The following TMEM68 variants were observed in gnomAD, a reference collection of about 807,000 sequenced individuals.
TMEM68 encodes the protein DGAT1/2-independent enzyme synthesizing storage lipids.
A neutral mutation model predicts 36.9 loss-of-function variants in TMEM68; 25 were observed. That is an observed-to-expected ratio of 0.68 (90% CI 0.49 to 0.95). The LOEUF (loss-of-function observed/expected upper bound fraction) is 0.95. Among genes scored for constraint, TMEM68 ranks in the 40% least tolerant of loss-of-function variants. TMEM68 has a pLI of 0.00. For missense variants in TMEM68, 333 were observed against 392.0 expected, an observed-to-expected ratio of 0.85 and a Z score of 1.27; for synonymous variants, 131 against 124.4, an observed-to-expected ratio of 1.05 and a Z score of -0.35.
intron 4 of TMEM68, among the ~76,000 whole-genome samples, chr8:55,755,126 C>T (rs1038296433): frequency 2.0e-5 from 3 of 150,222 alleles, no homozygotes; most frequent in African/African-American, 7.3e-5. Context: ...TAGCAAGACC[C>T]CATATCTAAA....
At chr8:55,761,030 A>G (rs912491941) in intron 3 of TMEM68, 1 of 151,774 alleles carries the variant, frequency 6.6e-6, no homozygotes, top group Non-Finnish European at 1.5e-5. Context: ...ATAATAAACA[A>G]TTGAACTACT....
At chr8:55,762,434 G>T in intron 3 of TMEM68, 1 of 1,040,044 alleles carries the variant, frequency 9.6e-7, no homozygotes, top group Non-Finnish European at 1.3e-6. Context: ...TTTGTTTAAT[G>T]GAAACCAACG....
intron 1 of TMEM68, among the ~76,000 whole-genome samples, chr8:55,771,545 A>T (rs894950581): frequency 1.3e-5 from 2 of 152,132 alleles, no homozygotes; most frequent in African/African-American, 4.8e-5. Context: ...TGAGCCTGGG[A>T]GGTAGAGGTT....
chr8:55,760,131 C>T (rs1810737244), intron 3 of TMEM68, among the ~76,000 whole-genome samples: 1 of 152,242 alleles, frequency 6.6e-6, no homozygotes, highest in Admixed American at 6.5e-5. Context: ...GCTACCAAGG[C>T]CAACAAATTT....
intron 3 of TMEM68, chr8:55,761,672 G>C (rs1023431574): frequency 6.6e-6 from 1 of 152,148 alleles, no homozygotes; most frequent in South Asian, 2.1e-4. Context: ...TCTGGCATAG[G>C]TAGGTGCTCA....
At chr8:55,771,068 C>T (rs947386722) in intron 1 of TMEM68, among the ~76,000 whole-genome samples, 1 of 151,364 alleles carries the variant, frequency 6.6e-6, no homozygotes, top group African/African-American at 2.4e-5. Context: ...GGCAGAAAAT[C>T]GCTTGAACCC....
chr8:55,772,436 C>T (rs951418839), intron 1 of TMEM68, among the ~76,000 whole-genome samples: 4 of 152,342 alleles, frequency 2.6e-5, no homozygotes, highest in African/African-American at 7.2e-5. Flanking sequence ...TGCTTTTTAA[C>T]AGATCCAGCA....
At chr8:55,768,143 TA>T (rs75152350) in intron 1 of TMEM68, among the ~76,000 whole-genome samples, 18,742 of 138,946 alleles carry the variant, frequency 0.13, 1,241 homozygotes, top group Middle Eastern at 0.19. Context: ...GAGACAGCTT[TA>T]AAAAAAAAAA....
intron 1 of TMEM68, among the ~76,000 whole-genome samples, chr8:55,770,953 C>T (rs1335397410): frequency 1.3e-5 from 2 of 151,904 alleles, no homozygotes; most frequent in Non-Finnish European, 2.9e-5. Flanking sequence ...GTCGGGAGTT[C>T]GAGACCAGCC....
intron 1 of TMEM68, among the ~76,000 whole-genome samples, chr8:55,771,947 A>T (rs1010027986): frequency 2.0e-5 from 3 of 152,172 alleles, no homozygotes; most frequent in African/African-American, 7.2e-5. Context: ...CGAGGTTCTG[A>T]TACAAATTAC....
intron 4 of TMEM68, among the ~76,000 whole-genome samples, chr8:55,755,576 C>T (rs920392771): frequency 1.6e-5 from 2 of 122,850 alleles, no homozygotes; most frequent in Non-Finnish European, 3.4e-5. Context: ...CCAGCCAAGA[C>T]AAAATATATC....
chr8:55,772,808 G>A (rs1025905534), intron 1 of TMEM68, among the ~76,000 whole-genome samples: 1 of 152,148 alleles, frequency 6.6e-6, no homozygotes, highest in East Asian at 1.9e-4. Flanking sequence ...TACCCACGCG[G>A]CTTTCCCCCT....
intron 1 of TMEM68, among the ~76,000 whole-genome samples, chr8:55,765,440 A>G (rs528724339): frequency 5.3e-5 from 8 of 152,346 alleles, no homozygotes; most frequent in African/African-American, 1.7e-4. Flanking sequence ...TCCGTTTGCT[A>G]AAACCTATAA....
rs895755618 is a variant in TMEM68 at position 55,759,293 on chromosome 8, G to A, written c.326-2882C>T. 3.3e-5 allele frequency among the ~76,000 whole-genome samples: 5 copies of A among 151,100 alleles called. 1 individual carries two copies. The highest frequency in any genetic ancestry group is 4.4e-5 in the Non-Finnish European group (3 of 67,886). On this transcript the variant is annotated intron_variant, in intron 3 of 7. Coordinates refer to ENST00000434581, the MANE Select transcript of TMEM68 (RefSeq NM_001286657.2). ...AAAAAAAATTAAGTAAATACAGTCCGGGCACAGTGGCTCGTGCCTATAATA... is the reference window on the plus strand; with the variant it reads ...AAAAAAAATTAAGTAAATACAGTCCAGGCACAGTGGCTCGTGCCTATAATA...
chr8:55,770,020 C>G (rs1304870851), intron 1 of TMEM68, among the ~76,000 whole-genome samples: 1 of 152,110 alleles, frequency 6.6e-6, no homozygotes, highest in Non-Finnish European at 1.5e-5. Flanking sequence ...GAATAAAATG[C>G]CTTTCAGTAG....
At chr8:55,769,126 A>C (rs965807969) in intron 1 of TMEM68, among the ~76,000 whole-genome samples, 1 of 150,912 alleles carries the variant, frequency 6.6e-6, no homozygotes, top group African/African-American at 2.4e-5. Flanking sequence ...GGAGTTTGAG[A>C]CCAGCCTGGC....
chr8:55,759,408 T>C (rs1244725375), intron 3 of TMEM68, among the ~76,000 whole-genome samples: 1 of 151,752 alleles, frequency 6.6e-6, no homozygotes, highest in Non-Finnish European at 1.5e-5. Context: ...CCATCTCTAC[T>C]AAAAATACAA....
At chr8:55,767,860 C>G (rs1811021777) in intron 1 of TMEM68, among the ~76,000 whole-genome samples, 1 of 152,092 alleles carries the variant, frequency 6.6e-6, no homozygotes, top group Admixed American at 6.6e-5. Context: ...TCGCTTGGAC[C>G]TGGGAGGCGG....
Position 55,754,813 on chromosome 8 carries a change from T to C in TMEM68, c.493+1431A>G, listed in dbSNP as rs1016484687. Among the ~76,000 whole-genome samples the C allele has an allele frequency of 1.3e-3, 178 of 132,286 alleles. 2 individuals carry two copies. The highest frequency in any genetic ancestry group is 4.5e-3 in the African/African-American group (158 of 35,404). 86.8% of individuals were successfully genotyped at this position (132,286 alleles called of 152,430 possible). ...AAAATACATATATAATATATATTTATATTATATATAAAATACATATATTAT... is the reference window on the plus strand; with the variant it reads ...AAAATACATATATAATATATATTTACATTATATATAAAATACATATATTAT... On this transcript the variant is annotated intron_variant, in intron 4 of 7. Coordinates refer to ENST00000434581, the MANE Select transcript of TMEM68 (RefSeq NM_001286657.2).
Sources: allele counts gnomAD v4.1 joint callset (sites outside exome capture counted in the v4.1 genomes callset), GRCh38; gene constraint gnomAD v4.1.1; transcripts MANE v1.5; gene names NCBI Gene and HGNC (gene_info 2026-07-23, HGNC 2026-07-21).